The following ANKRD11 variants were observed in gnomAD, a reference collection of about 807,000 sequenced individuals.
The protein encoded by ANKRD11 is ankyrin repeat domain 11.
In ANKRD11, 17 loss-of-function variants were observed where a neutral mutation model predicts 195.7. The ratio of observed to expected loss-of-function variants is 0.09; its 90% confidence interval spans 0.06 to 0.13. ANKRD11 has a LOEUF of 0.13. Among genes scored for constraint, ANKRD11 ranks in the 10% least tolerant of loss-of-function variants. ANKRD11 has a pLI of 1.00. For synonymous variants in ANKRD11, 1,953 were observed against 1,528.1 expected, an observed-to-expected ratio of 1.28 and a Z score of -6.49; for missense variants, 3,735 against 3,566.1, an observed-to-expected ratio of 1.05 and a Z score of -1.21.
chr16:89,312,443 G>A (rs1009423564), intron 3 of ANKRD11, among the ~76,000 whole-genome samples: 2 of 152,178 alleles, frequency 1.3e-5, no homozygotes, highest in African/African-American at 2.4e-5. Flanking sequence ...GGTGGTGGGG[G>A]AAGCCCAACT....
At chr16:89,379,301 T>G (rs533640954) in intron 2 of ANKRD11, among the ~76,000 whole-genome samples, 1 of 152,338 alleles carries the variant, frequency 6.6e-6, no homozygotes, top group East Asian at 1.9e-4. Flanking sequence ...CTTGTGCCAG[T>G]TCCTAAGTGG....
At chr16:89,270,537 G>A (rs1396497416) in intron 12 of ANKRD11, 2 of 490,808 alleles carry the variant, frequency 4.1e-6, no homozygotes, top group Non-Finnish European at 7.5e-6. Context: ...GGCAGTCCCA[G>A]GAGTTCTGAC....
Position 89,283,127 on chromosome 16 carries a change from C to T in ANKRD11, c.3415G>A (p.Glu1139Lys). ...SCMGSGFKMG[E>K]ASDLPRTDGL... ...TCCGTCCTCGGCAAGTCGCTGGCCT[C>T]TCCCATCTTGAACCCGCTCCCCATG... The change falls in exon 9 of 13, where the codon GAG becomes AAG. Residue 1139 changes from glutamate (E) to lysine (K), a missense_variant. Glu to Lys is a moderately conservative substitution (Grantham distance 56, BLOSUM62 1). Coordinates refer to ENST00000301030, the MANE Select transcript of ANKRD11 (RefSeq NM_013275.6). This position sits in a 1 kb window ranked among gnomAD's most constrained non-coding sequence, Gnocchi z 4.3. 6.2e-7 allele frequency: 1 copy of T among 1,614,030 alleles called. No individual in the cohort carries two copies. Among genetic ancestry groups the T allele is most frequent in the Non-Finnish European group, 8.5e-7 (1 of 1,180,036 alleles).
intron 2 of ANKRD11, among the ~76,000 whole-genome samples, chr16:89,361,108 G>C (rs936156071): frequency 3.9e-5 from 6 of 152,168 alleles, no homozygotes; most frequent in Non-Finnish European, 7.4e-5. Context: ...GTGGAAACCT[G>C]TCAACCCAAT....
intron 1 of ANKRD11, among the ~76,000 whole-genome samples, chr16:89,443,751 T>C (rs185369163): frequency 6.6e-6 from 1 of 152,178 alleles, no homozygotes; most frequent in East Asian, 1.9e-4. Context: ...ACAAGCTGGA[T>C]GAATTGAATA....
intron 2 of ANKRD11, among the ~76,000 whole-genome samples, chr16:89,354,567 G>A (rs2039382541): frequency 6.6e-6 from 1 of 152,188 alleles, no homozygotes; most frequent in African/African-American, 2.4e-5. Context: ...ATTTGATTGT[G>A]TGTCATCAAA....
chr16:89,323,401 G>T (rs1022755842), intron 2 of ANKRD11: 11 of 1,233,032 alleles, frequency 8.9e-6, no homozygotes, highest in Non-Finnish European at 1.1e-5. Flanking sequence ...AGAGCAAGCA[G>T]CCCAGGGCAG....
intron 11 of ANKRD11, chr16:89,273,023 G>A (rs2033305754): frequency 7.6e-6 from 1 of 132,176 alleles, no homozygotes; most frequent in South Asian, 2.6e-4. Context: ...TGGCAGGGAG[G>A]TAGAAGTGGT....
Position 89,387,455 on chromosome 16 carries a change from G to A in ANKRD11, c.-60+30829C>T, listed in dbSNP as rs542091492. On this transcript the variant is annotated intron_variant, in intron 2 of 12. Transcript: ENST00000301030. ...TGGGAGGCTGAGGCGGGCAGATCAC[G>A]AGGTCAGGAGACCGAGACCATCCCG... 2.7e-5 allele frequency among the ~76,000 whole-genome samples: 4 copies of A among 149,796 alleles called. No homozygotes were observed. In the South Asian group the frequency reaches 6.4e-4, roughly 24 times the overall value.
intron 1 of ANKRD11, among the ~76,000 whole-genome samples, chr16:89,465,940 G>C (rs2056867301): frequency 6.6e-6 from 1 of 152,160 alleles, no homozygotes; most frequent in Non-Finnish European, 1.5e-5. Flanking sequence ...TTGATCTCCT[G>C]ACCTCATGAT....
At chr16:89,317,752 T>C (rs1597610205) in intron 2 of ANKRD11, among the ~76,000 whole-genome samples, 1 of 152,154 alleles carries the variant, frequency 6.6e-6, no homozygotes, top group East Asian at 1.9e-4. Flanking sequence ...GTATTAATTG[T>C]ATATTATTTT....
rs139955323 is a variant in ANKRD11, at chr16:89,283,653, G to A, written c.2889C>T (p.Asp963=). ...GCGCCTCCTCGGGCTTGGCCCTGCC[G>A]TCCCTGCGCTCCTTGCAGCTCTCCA... ...DALESCKERR[D]GRAKPEEAHR... Residue 963 remains aspartate, a synonymous_variant, in exon 9 of 13, where the codon GAC becomes GAT. Coordinates refer to ENST00000301030, the MANE Select transcript of ANKRD11 (RefSeq NM_013275.6). The surrounding 1 kb of genome is among the most constrained non-coding windows in gnomAD (Gnocchi z 4.3). The A allele has an allele frequency of 3.8e-5, 61 of 1,611,504 alleles. No homozygotes were observed. In the Admixed American group the frequency reaches 6.5e-4, roughly 17 times the overall value.
intron 2 of ANKRD11, among the ~76,000 whole-genome samples, chr16:89,362,233 C>G (rs936475392): frequency 6.6e-6 from 1 of 152,220 alleles, no homozygotes; most frequent in African/African-American, 2.4e-5. Context: ...ACTGGACAAA[C>G]TGAACGGCAC....
rs573857145 is a variant in ANKRD11 at position 89,270,486 on chromosome 16, C to G, written c.7806+331G>C. The G allele has an allele frequency of 4.0e-4, 165 of 408,880 alleles. 1 individual carries two copies. Among genetic ancestry groups the G allele is most frequent in the African/African-American group, 3.3e-3 (160 of 48,824 alleles). 25.3% of individuals were successfully genotyped at this position (408,880 alleles called of 1,614,324 possible). On this transcript the variant is annotated intron_variant, in intron 12 of 12. Coordinates refer to ENST00000301030, the MANE Select transcript of ANKRD11 (RefSeq NM_013275.6). ...ACCGCCCTGGCCAGCACTTCCAGAG[C>G]AGTGGAGGGTGAATGCTGGGACCTT...
At chr16:89,271,350 G>A (rs1289888753) in intron 11 of ANKRD11, 1 of 279,948 alleles carries the variant, frequency 3.6e-6, no homozygotes, top group East Asian at 9.6e-5. Flanking sequence ...CGATTCTCCT[G>A]CTTCAGCCTT....
At chr16:89,458,949 C>T (rs2056554343) in intron 1 of ANKRD11, 1 of 152,350 alleles carries the variant, frequency 6.6e-6, no homozygotes, top group African/African-American at 2.4e-5. Context: ...ACCCTGGTCA[C>T]ATACACCTGT....
At chr16:89,305,476 G>T in intron 3 of ANKRD11, 132 bp from the exon 4 acceptor site, 1 of 1,311,164 alleles carries the variant, frequency 7.6e-7, no homozygotes, top group Non-Finnish European at 1.1e-6. Flanking sequence ...ACCCCAGGGC[G>T]TGGCTGTGTG....
At chr16:89,472,586 C>G (rs932404264) in intron 1 of ANKRD11, among the ~76,000 whole-genome samples, 1 of 152,166 alleles carries the variant, frequency 6.6e-6, no homozygotes, top group African/African-American at 2.4e-5. Context: ...GTGGCACATT[C>G]ATGTGTCACT....
intron 2 of ANKRD11, among the ~76,000 whole-genome samples, chr16:89,370,435 T>C (rs2040143653): frequency 6.6e-6 from 1 of 152,114 alleles, no homozygotes; most frequent in Non-Finnish European, 1.5e-5. Flanking sequence ...CCTGCCGTTA[T>C]CCAGGGCAAA....
Sources: gnomAD v4.1 joint callset for allele counts (sites outside exome capture counted in the v4.1 genomes callset) on GRCh38, gnomAD v4.1.1 for gene constraint, Gnocchi (gnomAD v3.1) non-coding constraint, MANE v1.5 for transcripts, NCBI Gene and HGNC (gene_info 2026-07-23, HGNC 2026-07-21) for gene names.